The following ARL15 variants were observed in gnomAD, a reference collection of about 807,000 sequenced individuals.
ARL15 encodes the protein ARF like GTPase 15.
A neutral mutation model predicts 25.2 loss-of-function variants in ARL15; 19 were observed. That is an observed-to-expected ratio of 0.75 (90% CI 0.53 to 1.10). The LOEUF is 1.10. Among genes scored for constraint, ARL15 ranks in the 50% least tolerant of loss-of-function variants. ARL15 has a pLI of 0.00. For synonymous variants in ARL15, 94 were observed against 86.8 expected, an observed-to-expected ratio of 1.08 and a Z score of -0.46; for missense variants, 220 against 246.0, an observed-to-expected ratio of 0.89 and a Z score of 0.71.
At chr5:54,299,932 T>C (rs1195629107) in intron 1 of ARL15, among the ~76,000 whole-genome samples, 1 of 152,158 alleles carries the variant, frequency 6.6e-6, no homozygotes. Flanking sequence ...CCTCTGAGTT[T>C]CCATTTACCT....
rs758378391 is a variant in ARL15, at chr5:54,072,606, G to GA, written c.462+40595dup. Among the ~76,000 whole-genome samples, 9 of 152,046 alleles carry GA rather than the reference G, an allele frequency of 5.9e-5. No individual in the cohort carries two copies. In the East Asian group the frequency reaches 1.2e-3, roughly 20 times the overall value. ...CATACATTCTCTCAAATTCTCTAGGGAAAAAAATGCCTTTCTTAAACAAAA... is the reference window on the plus strand; with the variant it reads ...CATACATTCTCTCAAATTCTCTAGGGAAAAAAAATGCCTTTCTTAAACAAAA... On this transcript the variant is annotated intron_variant, in intron 4 of 4. Coordinates refer to ENST00000504924, the MANE Select transcript of ARL15 (RefSeq NM_019087.3).
At chr5:54,012,269 C>G (rs1749269608) in intron 4 of ARL15, among the ~76,000 whole-genome samples, 1 of 152,118 alleles carries the variant, frequency 6.6e-6, no homozygotes, top group Admixed American at 6.5e-5. Context: ...ATATTGTAGT[C>G]TTCCAGAAAT....
chr5:54,290,003 G>A (rs6891928), intron 1 of ARL15, among the ~76,000 whole-genome samples: 11,065 of 152,172 alleles, frequency 0.073, 534 homozygotes, highest in African/African-American at 0.13. Flanking sequence ...GGCCTTGTCT[G>A]TACTCTTGGT....
intron 4 of ARL15, among the ~76,000 whole-genome samples, chr5:53,951,979 G>T (rs1283007092): frequency 6.6e-6 from 1 of 151,626 alleles, no homozygotes; most frequent in Admixed American, 6.6e-5. Context: ...GTGTGAAAGA[G>T]GAGAGTAGCT....
At chr5:53,979,339 C>T (rs1403289827) in intron 4 of ARL15, among the ~76,000 whole-genome samples, 24 of 151,974 alleles carry the variant, frequency 1.6e-4, no homozygotes, top group Admixed American at 1.6e-3. Flanking sequence ...TTGAGACTAG[C>T]CTGGGCAACA....
chr5:53,904,724 T>C (rs1198266431), intron 4 of ARL15, among the ~76,000 whole-genome samples: 1 of 148,600 alleles, frequency 6.7e-6, no homozygotes, highest in African/African-American at 2.5e-5. Context: ...AAATAAATTA[T>C]TTATTTTTAG....
At chr5:53,908,020 G>A (rs924487940) in intron 4 of ARL15, among the ~76,000 whole-genome samples, 1 of 152,138 alleles carries the variant, frequency 6.6e-6, no homozygotes, top group African/African-American at 2.4e-5. Context: ...GCACAAAAAT[G>A]ATGTCATAAC....
chr5:54,067,763 A>C (rs1321893477), intron 4 of ARL15, among the ~76,000 whole-genome samples: 1 of 152,230 alleles, frequency 6.6e-6, no homozygotes, highest in African/African-American at 2.4e-5. Context: ...AATAAATGTT[A>C]GGTGAATGAA....
chr5:53,894,804 T>G (rs1744822205), intron 4 of ARL15, among the ~76,000 whole-genome samples: 1 of 152,148 alleles, frequency 6.6e-6, no homozygotes, highest in Admixed American at 6.5e-5. Flanking sequence ...CTCTCATCTT[T>G]TAAGACCAAG....
chr5:53,925,238 C>T (rs768751184), intron 4 of ARL15, among the ~76,000 whole-genome samples: 9 of 151,094 alleles, frequency 6.0e-5, no homozygotes, highest in Non-Finnish European at 8.8e-5. Flanking sequence ...ACTCTGTCAC[C>T]GACGCTGGAG....
At chr5:54,310,231 A>G in intron 1 of ARL15, 1 of 572,552 alleles carries the variant, frequency 1.7e-6, no homozygotes, top group Non-Finnish European at 3.0e-6. Flanking sequence ...CCGCACCTTT[A>G]CCTGTCAGCT....
At chr5:54,214,699 T>C (rs567662368) in intron 1 of ARL15, among the ~76,000 whole-genome samples, 170 of 152,306 alleles carry the variant, frequency 1.1e-3, no homozygotes, top group African/African-American at 4.0e-3. Flanking sequence ...CCTGTGGCCA[T>C]TTCCATTCTT....
chr5:54,266,827 G>A (rs3797230), intron 1 of ARL15, among the ~76,000 whole-genome samples: 17,673 of 152,182 alleles, frequency 0.12, 1,313 homozygotes, highest in East Asian at 0.41. Flanking sequence ...AAAACACAAT[G>A]AGCAGCAGCA....
chr5:54,024,746 T>C (rs1331003061), intron 4 of ARL15, among the ~76,000 whole-genome samples: 1 of 152,144 alleles, frequency 6.6e-6, no homozygotes, highest in Non-Finnish European at 1.5e-5. Context: ...CTCAATAATC[T>C]GGATAAAGAA....
At chr5:54,197,986 T>A (rs1297744202) in intron 1 of ARL15, among the ~76,000 whole-genome samples, 3 of 151,712 alleles carry the variant, frequency 2.0e-5, no homozygotes, top group Non-Finnish European at 4.4e-5. Context: ...CAAGGCTGGT[T>A]CAATATACGC....
chr5:53,990,319 C>T (rs1748442956), intron 4 of ARL15, among the ~76,000 whole-genome samples: 2 of 152,104 alleles, frequency 1.3e-5, no homozygotes, highest in Admixed American at 1.3e-4. Context: ...TAAAAGAATG[C>T]TCCTAGAGTA....
chr5:53,995,495 C>A (rs544030596), intron 4 of ARL15, among the ~76,000 whole-genome samples: 2 of 152,190 alleles, frequency 1.3e-5, no homozygotes, highest in South Asian at 4.2e-4. Flanking sequence ...TGCCTCACTA[C>A]TCATAATTCT....
intron 4 of ARL15, among the ~76,000 whole-genome samples, chr5:54,095,732 A>G (rs1752265625): frequency 6.6e-6 from 1 of 152,060 alleles, no homozygotes; most frequent in African/African-American, 2.4e-5. Flanking sequence ...TCTTCAATAT[A>G]TTACTCTCAT....
At chr5:53,989,613 A>T (rs1748417947) in intron 4 of ARL15, among the ~76,000 whole-genome samples, 1 of 151,442 alleles carries the variant, frequency 6.6e-6, no homozygotes, top group South Asian at 2.1e-4. Context: ...GGGTGTGTGT[A>T]TCCCCTTGTT....
Sources: allele counts gnomAD v4.1 joint callset (sites outside exome capture counted in the v4.1 genomes callset), GRCh38; gene constraint gnomAD v4.1.1; transcripts MANE v1.5; gene names NCBI Gene and HGNC (gene_info 2026-07-23, HGNC 2026-07-21).